TAL1: variants seen among roughly 807,000 people sequenced by gnomAD.
TAL1 encodes T-cell acute lymphocytic leukemia protein 1.
A neutral mutation model predicts 17.9 loss-of-function variants in TAL1; 8 were observed. The ratio of observed to expected loss-of-function variants is 0.45; its 90% CI spans 0.26 to 0.81. The LOEUF (loss-of-function observed/expected upper bound fraction) is 0.81. Among genes scored for constraint, TAL1 ranks in the 30% least tolerant of loss-of-function variants. The pLI is 0.17. For missense variants in TAL1, 466 were observed against 486.9 expected (o/e 0.96, Z 0.40); for synonymous variants, 223 against 218.6 (o/e 1.02, Z -0.18).
chr1:47,219,322 G>A, exon 4 of TAL1: 3 of 513,982 alleles, frequency 5.8e-6, no homozygotes, highest in Non-Finnish European at 1.1e-5. Flanking sequence ...CAGCTTGGGA[G>A]GGGCTAAAGG....
intron 3 of TAL1, among the ~76,000 whole-genome samples, chr1:47,220,446 C>T (rs928799024): frequency 1.3e-5 from 2 of 152,138 alleles, no homozygotes; most frequent in African/African-American, 4.8e-5. Context: ...TGTCTCCCTC[C>T]CTGGGCTGTG....
exon 2 of TAL1, chr1:47,225,453 A>T: frequency 8.1e-7 from 1 of 1,231,256 alleles, no homozygotes; most frequent in Non-Finnish European, 1.0e-6. Flanking sequence ...CTGCCGAGAG[A>T]GGCCAGCGGC....
chr1:47,219,894 G>GGCGCCCCCCCCCCC lies in TAL1; in HGVS notation c.821_822insGGGGGGGGGGGCGC (p.Ala275GlyfsTer175). ...CTTGCAGGAGGTCATCTGGGGGCGC[G>GGCGCCCCCCCCCCC]CCGCCCCCTCCCCCACCTCCACCCC... is the stretch of plus-strand genomic sequence containing the variant. On this transcript the variant is annotated frameshift_variant, in exon 4 of 4. Transcript: ENST00000294339. LOFTEE classifies it high-confidence loss of function. 1 of 1,556,022 alleles carries GGCGCCCCCCCCCCC rather than the reference G, an allele frequency of 6.4e-7. No individual in the cohort carries two copies. Among genetic ancestry groups the GGCGCCCCCCCCCCC allele is most frequent in the Non-Finnish European group, 8.7e-7 (1 of 1,149,566 alleles).
upstream of TAL1, chr1:47,231,578 C>G (rs938737875): frequency 5.1e-5 from 12 of 233,900 alleles, no homozygotes; most frequent in Admixed American, 3.4e-4. Flanking sequence ...CACAATCCAG[C>G]ACAGTCGGGA....
rs1162933474 is a variant in TAL1 at position 47,228,415 on chromosome 1, A to G, written c.-2+781T>C. 4 of 194,860 alleles carry G rather than the reference A, an allele frequency of 2.1e-5. No homozygotes were observed. In the East Asian group the frequency reaches 3.2e-4, roughly 15 times the overall value. The allele number at this position is 194,860 out of a possible 1,614,324, so 12.1% of individuals were successfully genotyped here. ...GAGATTTTAGACTGAATCGTTCTAG[A>G]GTATTTGACGACTACAGCTCCTCTC... On this transcript the variant is annotated intron_variant, in intron 1 of 3. Transcript: ENST00000294339.
chr1:47,221,889 TCA>T (rs369767449), intron 3 of TAL1, among the ~76,000 whole-genome samples: 3 of 152,040 alleles, frequency 2.0e-5, no homozygotes, highest in African/African-American at 4.8e-5. Context: ...GTGTGGGTGT[TCA>T]CACACACACA....
At chr1:47,221,694 G>A (rs192251470) in intron 3 of TAL1, among the ~76,000 whole-genome samples, 79 of 152,252 alleles carry the variant, frequency 5.2e-4, no homozygotes, top group African/African-American at 1.9e-3. Flanking sequence ...TGAAAACCGA[G>A]GTAGAGGAGA....
chr1:47,224,822 C>G (rs541285119), intron 2 of TAL1, among the ~76,000 whole-genome samples: 2 of 152,214 alleles, frequency 1.3e-5, no homozygotes, highest in Non-Finnish European at 2.9e-5. Flanking sequence ...GTAGCGCCAG[C>G]AGGGAAACGG....
At chr1:47,226,394 C>G (rs1643911244) in intron 1 of TAL1, 1 of 153,254 alleles carries the variant, frequency 6.5e-6, no homozygotes, top group African/African-American at 2.4e-5. Context: ...AGCAATATTC[C>G]CAGCCCACCT....
chr1:47,226,954 G>A (rs1643922005), intron 1 of TAL1, among the ~76,000 whole-genome samples: 1 of 152,178 alleles, frequency 6.6e-6, no homozygotes, highest in Non-Finnish European at 1.5e-5. Context: ...CTGTGCAAAC[G>A]TTCAAGTAAA....
At chr1:47,229,171 C>T (rs768059382) in intron 1 of TAL1, 25 bp downstream of exon 2, 56 of 179,224 alleles carry the variant, frequency 3.1e-4, no homozygotes, top group Non-Finnish European at 5.8e-4. Context: ...CCGTTTCCAC[C>T]GGCACCATTC....
At chr1:47,229,434 G>C (rs1643968519) in exon 1 of TAL1, 2 of 178,652 alleles carry the variant, frequency 1.1e-5, no homozygotes, top group Non-Finnish European at 2.4e-5. Context: ...GAGAGAAATG[G>C]GGGTCAATGG....
intron 2 of TAL1, among the ~76,000 whole-genome samples, chr1:47,225,238 A>T (rs1643889492): frequency 6.6e-6 from 1 of 152,140 alleles, no homozygotes; most frequent in South Asian, 2.1e-4. Flanking sequence ...TCTCTCTCAC[A>T]GAAGGCCCCT....
intron 3 of TAL1, among the ~76,000 whole-genome samples, chr1:47,222,194 G>T (rs1487294505): frequency 1.3e-5 from 2 of 152,214 alleles, no homozygotes; most frequent in Admixed American, 6.5e-5. Context: ...TGGGGAGGGG[G>T]TACTTATGAC....
At chr1:47,231,701 G>T (rs964145645), upstream of TAL1, 2 of 233,556 alleles carry the variant, frequency 8.6e-6, no homozygotes, top group African/African-American at 2.2e-5. Context: ...ACAATCGTAC[G>T]CAACGAAGAA....
At chr1:47,231,217 G>T (rs546465436), upstream of TAL1, 1 of 181,902 alleles carries the variant, frequency 5.5e-6, no homozygotes, top group Non-Finnish European at 1.2e-5. Flanking sequence ...AGCAGCCGCC[G>T]ACCGGGCGCT....
chr1:47,231,385 C>T (rs1031020728), upstream of TAL1, among the ~76,000 whole-genome samples: 1 of 149,532 alleles, frequency 6.7e-6, no homozygotes, highest in Non-Finnish European at 1.5e-5. Flanking sequence ...TGCAAACGCA[C>T]CTCTAAAGGA....
At chr1:47,225,831 C>T (rs1349428604) in exon 2 of TAL1, 1 of 1,582,914 alleles carries the variant, frequency 6.3e-7, no homozygotes, top group East Asian at 2.4e-5. Context: ...TCGGCCGCGT[C>T]CCGTCCCTCT....
chr1:47,220,778 A>G (rs908096501), intron 3 of TAL1, among the ~76,000 whole-genome samples: 1 of 152,232 alleles, frequency 6.6e-6, no homozygotes, highest in African/African-American at 2.4e-5. Context: ...TTTGCTAACA[A>G]CCAGGCACTG....
Sources: allele counts gnomAD v4.1 joint callset (sites outside exome capture counted in the v4.1 genomes callset), GRCh38; gene constraint gnomAD v4.1.1; transcripts MANE v1.5; gene names NCBI Gene and HGNC (gene_info 2026-07-23, HGNC 2026-07-21).